Variants in RBFOX3 observed in about 807,000 individuals in gnomAD.
RBFOX3 encodes RNA binding protein fox-1 homolog 3.
In RBFOX3, 17 loss-of-function variants were observed where a neutral mutation model predicts 48.7. The observed-to-expected ratio is 0.35, with a 90% CI of 0.24 to 0.52. RBFOX3 has a LOEUF of 0.52. Among genes scored for constraint, RBFOX3 ranks in the 20% least tolerant of loss-of-function variants. The pLI, the probability that RBFOX3 is intolerant of heterozygous loss-of-function variation, is 0.94. For missense variants in RBFOX3, 382 were observed against 497.5 expected (o/e 0.77, Z 2.21); for synonymous variants, 212 against 209.5 (o/e 1.01, Z -0.10).
At position 79,245,629 on chromosome 17, in the gene RBFOX3, A is replaced by ATTT. The variant is rs10577875; in HGVS notation, c.-73-9827_-73-9825dup. Among the ~76,000 whole-genome samples the ATTT allele has an allele frequency of 5.1e-3, 670 of 130,254 alleles. 11 individuals carry two copies. Among genetic ancestry groups the ATTT allele is most frequent in the African/African-American group, 9.4e-3 (314 of 33,556 alleles). 85.5% of individuals were successfully genotyped at this position (130,254 alleles called of 152,430 possible). A position where few individuals can be genotyped will look rare whatever the true frequency, so the allele number is the denominator to read the frequency against. On this transcript the variant is annotated intron_variant, in intron 3 of 14. Transcript: ENST00000693108. ...CATTCGTCTGTAGGTGAACATTTGGATTTTTTTTTTTTTTTTTTTGAGACA... is the reference window on the plus strand; with the variant it reads ...CATTCGTCTGTAGGTGAACATTTGGATTTTTTTTTTTTTTTTTTTTTTGAGACA...
At chr17:79,348,649 C>G (rs11077429) in intron 2 of RBFOX3, among the ~76,000 whole-genome samples, 107,393 of 145,334 alleles carry the variant, frequency 0.74, 39,801 homozygotes, top group Non-Finnish European at 0.81. Flanking sequence ...AGTGCCATCT[C>G]GGCTCACTGC....
chr17:79,505,824 CT>C (rs1428134015), intron 1 of RBFOX3, among the ~76,000 whole-genome samples: 2 of 152,222 alleles, frequency 1.3e-5, no homozygotes, highest in Non-Finnish European at 2.9e-5. Flanking sequence ...GTGCTTGATG[CT>C]GTAAACACTA....
intron 14 of RBFOX3, among the ~76,000 whole-genome samples, chr17:79,093,187 T>A (rs960607025): frequency 6.6e-6 from 1 of 152,138 alleles, no homozygotes; most frequent in African/African-American, 2.4e-5. Context: ...CCCAGCCCTG[T>A]CCTACTGGGG....
At chr17:79,109,136 T>C (rs1361605008) in intron 5 of RBFOX3, among the ~76,000 whole-genome samples, 1 of 152,180 alleles carries the variant, frequency 6.6e-6, no homozygotes, top group Non-Finnish European at 1.5e-5. Context: ...GGGTGGATCC[T>C]GCATCTCCCT....
chr17:79,262,455 G>A (rs193157178), intron 3 of RBFOX3, among the ~76,000 whole-genome samples: 107 of 152,368 alleles, frequency 7.0e-4, no homozygotes, highest in Non-Finnish European at 1.4e-3. Context: ...CACCTCGGTC[G>A]TTCTCCTTTG....
At chr17:79,153,395 C>A (rs2045040003) in intron 4 of RBFOX3, among the ~76,000 whole-genome samples, 1 of 152,226 alleles carries the variant, frequency 6.6e-6, no homozygotes, top group Non-Finnish European at 1.5e-5. Context: ...CTAGAAAATT[C>A]TCTCCACGAG....
chr17:79,252,434 G>T lies in RBFOX3; in HGVS notation c.-73-16629C>A, dbSNP rs2064112404. 6.6e-6 allele frequency among the ~76,000 whole-genome samples: 1 copy of T among 152,200 alleles called. No individual in the cohort carries two copies. The highest frequency in any genetic ancestry group is 1.9e-4 in the East Asian group (1 of 5,154). ...CGTCCAAGTGAGCAAGTCAGCTGGG[G>T]TCCACTCTGACCCTCCCTCTCTTCC... On this transcript the variant is annotated intron_variant, in intron 3 of 14. Transcript: ENST00000693108. The surrounding 1 kb of genome is among the most constrained non-coding windows in gnomAD (Gnocchi z 4.0).
chr17:79,138,028 G>C (rs781471971), intron 4 of RBFOX3, among the ~76,000 whole-genome samples: 2 of 152,148 alleles, frequency 1.3e-5, no homozygotes, highest in African/African-American at 2.4e-5. Flanking sequence ...GCCCGCCCCC[G>C]CCAAGCACTG....
chr17:79,139,571 C>A (rs772094646), intron 4 of RBFOX3, among the ~76,000 whole-genome samples: 16 of 152,238 alleles, frequency 1.1e-4, no homozygotes, highest in Non-Finnish European at 2.2e-4. Flanking sequence ...CGGAACTGGG[C>A]AGGCAGGGTC....
chr17:79,289,137 C>A (rs947687904), intron 3 of RBFOX3, among the ~76,000 whole-genome samples: 1 of 152,240 alleles, frequency 6.6e-6, no homozygotes, highest in Non-Finnish European at 1.5e-5. Flanking sequence ...AAAAGACACG[C>A]CCCTATGCAG....
In RBFOX3 at chr17:79,482,981, C is replaced by T. The variant is rs1401940240; in HGVS notation, c.-319-383G>A. 6.6e-6 allele frequency among the ~76,000 whole-genome samples: 1 copy of T among 152,006 alleles called. No homozygotes were observed. The highest frequency in any genetic ancestry group is 2.4e-5 in the African/African-American group (1 of 41,358). On this transcript the variant is annotated intron_variant, in intron 1 of 14. Transcript: ENST00000693108. The surrounding 1 kb of genome is among the most constrained non-coding windows in gnomAD (Gnocchi z 4.1). ...TACCGCCCGCTCTTGCTTCCTCCCCCACCCAGCCTAGATTCCAGGACCCAC... is the reference window on the plus strand; with the variant it reads ...TACCGCCCGCTCTTGCTTCCTCCCCTACCCAGCCTAGATTCCAGGACCCAC...
At position 79,486,558 on chromosome 17, in the gene RBFOX3, C is replaced by T. The variant is rs955917784; in HGVS notation, c.-319-3960G>A. Among the ~76,000 whole-genome samples the T allele has an allele frequency of 2.6e-3, 395 of 152,292 alleles. 1 individual carries two copies. Among genetic ancestry groups the T allele is most frequent in the African/African-American group, 9.1e-3 (378 of 41,554 alleles). On this transcript the variant is annotated intron_variant, in intron 1 of 14. Coordinates refer to ENST00000693108, the MANE Select transcript of RBFOX3 (RefSeq NM_001350451.2). ...GTGCACATATGCTCACATATGCACA[C>T]GAGCACAGACGGGCCATCCTGGACC...
chr17:79,214,977 C>T lies in RBFOX3; in HGVS notation c.-34+20789G>A, dbSNP rs1347848333. 6.6e-6 allele frequency among the ~76,000 whole-genome samples: 1 copy of T among 152,170 alleles called. No homozygotes were observed. The highest frequency in any genetic ancestry group is 1.5e-5 in the Non-Finnish European group (1 of 68,012). ...GGTGCCGGTCAATTATGAAGCCACC[C>T]GCTGGTGCTGCCCCCACACCCGTCA... On this transcript the variant is annotated intron_variant, in intron 4 of 14. Transcript: ENST00000693108. This position sits in a 1 kb window ranked among gnomAD's most constrained non-coding sequence, Gnocchi z 4.7.
intron 2 of RBFOX3, among the ~76,000 whole-genome samples, chr17:79,464,890 C>T (rs2076105186): frequency 6.6e-6 from 1 of 152,198 alleles, no homozygotes; most frequent in Non-Finnish European, 1.5e-5. Flanking sequence ...TGCAGAAGCT[C>T]AGTGAAGTCG....
intron 2 of RBFOX3, among the ~76,000 whole-genome samples, chr17:79,476,800 C>A (rs1252481969): frequency 1.3e-5 from 2 of 151,190 alleles, no homozygotes; most frequent in Admixed American, 6.6e-5. Flanking sequence ...GCACACAATT[C>A]CTCAGTGGGG....
intron 3 of RBFOX3, among the ~76,000 whole-genome samples, chr17:79,261,440 C>T (rs1367481547): frequency 6.6e-6 from 1 of 152,222 alleles, no homozygotes; most frequent in Non-Finnish European, 1.5e-5. Context: ...TTCTGAGGGG[C>T]ATGGAGCTCC....
intron 2 of RBFOX3, among the ~76,000 whole-genome samples, chr17:79,412,628 ATG>A (rs1568204627): frequency 6.8e-6 from 1 of 146,396 alleles, no homozygotes; most frequent in African/African-American, 2.5e-5. Flanking sequence ...GTGTGTGTGA[ATG>A]TGTGCATGTA....
chr17:79,592,426 G>A (rs2093448912), intron 1 of RBFOX3, among the ~76,000 whole-genome samples: 1 of 151,860 alleles, frequency 6.6e-6, no homozygotes. Context: ...GTGTGCATGT[G>A]TGGTGCGTGC....
In RBFOX3 at chr17:79,586,531, T is replaced by C. The variant is rs2093256106; in HGVS notation, c.-320+24295A>G. 3.3e-5 allele frequency among the ~76,000 whole-genome samples: 5 copies of C among 152,222 alleles called. No homozygotes were observed. The South Asian group carries it at 1.0e-3, about 32-fold the overall frequency. ...CGGCAGTCGCTGACTGGTACCCCCT[T>C]CCCCCAGGCATGAGGACGTTCCTCA... is the stretch of plus-strand genomic sequence containing the variant. On this transcript the variant is annotated intron_variant, in intron 1 of 14. Coordinates refer to ENST00000693108, the MANE Select transcript of RBFOX3 (RefSeq NM_001350451.2).
Sources: gnomAD v4.1 joint callset for allele counts (sites outside exome capture counted in the v4.1 genomes callset) on GRCh38, gnomAD v4.1.1 for gene constraint, Gnocchi (gnomAD v3.1) non-coding constraint, MANE v1.5 for transcripts, NCBI Gene and HGNC (gene_info 2026-07-23, HGNC 2026-07-21) for gene names.